The following RASGEF1A variants were observed in gnomAD, a reference collection of about 807,000 sequenced individuals.
The protein encoded by RASGEF1A is RasGEF domain family member 1A.
A neutral mutation model predicts 56.4 loss-of-function variants in RASGEF1A; 18 were observed. The observed-to-expected ratio is 0.32, with a 90% CI of 0.22 to 0.47. The LOEUF (loss-of-function observed/expected upper bound fraction) is 0.47, where lower values mean the gene tolerates loss of function less well. Among genes scored for constraint, RASGEF1A ranks in the 20% least tolerant of loss-of-function variants. The pLI is 1.00. For missense variants in RASGEF1A, 422 were observed against 627.1 expected (o/e 0.67, Z 3.49); for synonymous variants, 245 against 242.6 (o/e 1.01, Z -0.09).
chr10:43,232,485 C>CTT (rs55766600), intron 1 of RASGEF1A, among the ~76,000 whole-genome samples: 2,484 of 123,628 alleles, frequency 0.02, 106 homozygotes, highest in African/African-American at 0.053. Context: ...CAGTCTCCGG[C>CTT]TTTTTTTTTT....
chr10:43,235,091 C>T (rs528244612), intron 1 of RASGEF1A, among the ~76,000 whole-genome samples: 2 of 152,246 alleles, frequency 1.3e-5, no homozygotes, highest in Non-Finnish European at 2.9e-5. Flanking sequence ...CAGAATTTCC[C>T]TCAGGCCATA....
intron 1 of RASGEF1A, among the ~76,000 whole-genome samples, chr10:43,227,010 G>A (rs749400653): frequency 2.0e-5 from 3 of 152,216 alleles, no homozygotes; most frequent in Admixed American, 6.5e-5. Context: ...AACTAACTCT[G>A]TAGGGAGTAG....
At chr10:43,215,576 G>T (rs1007431087) in intron 1 of RASGEF1A, among the ~76,000 whole-genome samples, 1 of 152,222 alleles carries the variant, frequency 6.6e-6, no homozygotes, top group African/African-American at 2.4e-5. Context: ...CGCCCTTCAA[G>T]GGATAACCGG....
chr10:43,217,664 T>C (rs1308586559), intron 1 of RASGEF1A, among the ~76,000 whole-genome samples: 1 of 152,226 alleles, frequency 6.6e-6, no homozygotes, highest in Non-Finnish European at 1.5e-5. Flanking sequence ...GAGATTCTAG[T>C]GCCTGCTAGA....
chr10:43,232,881 G>C (rs1161708947), intron 1 of RASGEF1A, among the ~76,000 whole-genome samples: 1 of 152,170 alleles, frequency 6.6e-6, no homozygotes, highest in Admixed American at 6.5e-5. Flanking sequence ...CAGCAGCCGG[G>C]GGGGATCTCT....
At chr10:43,256,333 C>T (rs749997622) in intron 1 of RASGEF1A, among the ~76,000 whole-genome samples, 1 of 152,284 alleles carries the variant, frequency 6.6e-6, no homozygotes, top group South Asian at 2.1e-4. Flanking sequence ...GTTCTTGATC[C>T]GGCTGTGACT....
chr10:43,230,292 TCGGGGGACA>T (rs1207252890), intron 1 of RASGEF1A, among the ~76,000 whole-genome samples: 4 of 152,034 alleles, frequency 2.6e-5, no homozygotes, highest in Non-Finnish European at 5.9e-5. Flanking sequence ...TCATTGGAAC[TCGGGGGACA>T]CGGCAGCTGC....
intron 1 of RASGEF1A, among the ~76,000 whole-genome samples, chr10:43,265,994 C>G (rs1836615900): frequency 6.6e-6 from 1 of 152,228 alleles, no homozygotes; most frequent in Non-Finnish European, 1.5e-5. Flanking sequence ...GAGAAGCTCA[C>G]TGCTCTGAGC....
intron 1 of RASGEF1A, among the ~76,000 whole-genome samples, chr10:43,243,753 G>A (rs1201508951): frequency 6.6e-6 from 1 of 151,166 alleles, no homozygotes; most frequent in East Asian, 2.0e-4. Context: ...GCCCCATCTG[G>A]GAGGTGAGGG....
At chr10:43,199,545 G>A in intron 7 of RASGEF1A, 131 bp downstream of exon 7, 3 of 732,530 alleles carry the variant, frequency 4.1e-6, no homozygotes, top group South Asian at 1.6e-5. Context: ...GACCACCAAG[G>A]CCCTGACAAT....
chr10:43,218,012 G>C (rs1172857354), intron 1 of RASGEF1A, among the ~76,000 whole-genome samples: 1 of 152,168 alleles, frequency 6.6e-6, no homozygotes, highest in African/African-American at 2.4e-5. Flanking sequence ...CGTCCAATGG[G>C]AAGGGAGTGG....
At chr10:43,199,335 C>T (rs1839854935) in intron 7 of RASGEF1A, 141 bp from the exon 8 acceptor site, 14 of 694,798 alleles carry the variant, frequency 2.0e-5, no homozygotes, top group Admixed American at 2.1e-5. Flanking sequence ...TCCATGGCTG[C>T]GTCTGGGAGG....
chr10:43,200,741 C>T lies in RASGEF1A; in HGVS notation c.607G>A (p.Ala203Thr), dbSNP rs1404088549. The T allele has an allele frequency of 6.2e-7, 1 of 1,613,762 alleles. No individual in the cohort carries two copies. Among genetic ancestry groups the T allele is most frequent in the African/African-American group, 1.3e-5 (1 of 74,940 alleles). ...KGPILKTKPP[A>T]AQKDILGVCC... ...ACGCCCAGGATGTCCTTCTGGGCGG[C>T]TGGTGGCTTGGTCTTGAGGATGGGC... The change falls in exon 5 of 13, where the codon GCC (alanine) becomes ACC (threonine). Residue 203 changes from alanine to threonine, a missense_variant. By Grantham distance (58) the Ala-to-Thr change is moderately conservative. Around this residue, in one of 2 missense-constraint regions of RASGEF1A, gnomAD observed 273 missense variants for 339.9 expected, o/e 0.80. Coordinates refer to ENST00000395810, the MANE Select transcript of RASGEF1A (RefSeq NM_145313.4).
At chr10:43,255,614 T>C (rs1026964840) in intron 1 of RASGEF1A, among the ~76,000 whole-genome samples, 1 of 152,238 alleles carries the variant, frequency 6.6e-6, no homozygotes, top group Admixed American at 6.5e-5. Context: ...GGAGTGTCAC[T>C]GGCATTTCAT....
chr10:43,196,268 C>A lies in RASGEF1A; in HGVS notation c.1422G>T (p.Arg474Ser). The A allele has an allele frequency of 6.2e-7, 1 of 1,613,586 alleles. No individual in the cohort carries two copies. Among genetic ancestry groups the A allele is most frequent in the Non-Finnish European group, 8.5e-7 (1 of 1,179,738 alleles). Residue 474 changes from arginine (R) to serine (S), a missense_variant and splice_region_variant, in exon 13 of 13, where the codon AGG (arginine) becomes AGT (serine). Around this residue, in one of 2 missense-constraint regions of RASGEF1A, gnomAD observed 149 missense variants for 287.2 expected, o/e 0.52. Transcript: ENST00000395810. The surrounding 1 kb of genome is among the most constrained non-coding windows in gnomAD (Gnocchi z 4.6). ...CTCAGGCTCTGTTCAGAAGGGTGGT[C>A]CTAGAGGGGGACAGGACAAGCAGTG... ...HMEKDSWKTL[R>S]TTLLNRA
intron 1 of RASGEF1A, among the ~76,000 whole-genome samples, chr10:43,222,995 C>T (rs1037438082): frequency 7.0e-6 from 1 of 143,372 alleles, no homozygotes; most frequent in Non-Finnish European, 1.5e-5. Context: ...AAGAAAAACA[C>T]TTTATTGGTT....
chr10:43,243,956 G>A (rs1361115845), intron 1 of RASGEF1A, among the ~76,000 whole-genome samples: 1 of 152,170 alleles, frequency 6.6e-6, no homozygotes, highest in Non-Finnish European at 1.5e-5. Flanking sequence ...AGGGGGAAAT[G>A]TGGGGAAAAG....
rs184420302 is a variant in RASGEF1A, at chr10:43,220,593, G to A, written c.-6-14471C>T. Reference sequence around the variant, plus strand: ...GAGGTCAGGAGTTCAAGACCAGCCCGACCAACATGGTGAAACCCCATCTCT... The same window carrying A: ...GAGGTCAGGAGTTCAAGACCAGCCCAACCAACATGGTGAAACCCCATCTCT... On this transcript the variant is annotated intron_variant, in intron 1 of 12. Transcript: ENST00000395810. Among the ~76,000 whole-genome samples, 1,128 of 152,226 alleles carry A rather than the reference G, an allele frequency of 7.4e-3. 11 individuals are homozygous for A. The highest frequency in any genetic ancestry group is 0.015 in the South Asian group (73 of 4,814).
chr10:43,244,151 G>A (rs1483607791), intron 1 of RASGEF1A, among the ~76,000 whole-genome samples: 3 of 152,226 alleles, frequency 2.0e-5, no homozygotes, highest in Non-Finnish European at 4.4e-5. Flanking sequence ...TAAGGGTGGT[G>A]CAAGATGTGC....
Sources: gnomAD v4.1 joint callset for allele counts (sites outside exome capture counted in the v4.1 genomes callset) on GRCh38, gnomAD v4.1.1 for gene constraint, gnomAD v4.1.1 regional missense constraint, Gnocchi (gnomAD v3.1) non-coding constraint, MANE v1.5 for transcripts, NCBI Gene and HGNC (gene_info 2026-07-23, HGNC 2026-07-21) for gene names.